NUP58: variants seen among roughly 807,000 people sequenced by gnomAD.
NUP58 encodes the protein nucleoporin p58/p45.
A neutral mutation model predicts 70.1 loss-of-function variants in NUP58; 17 were observed. That is an observed-to-expected ratio of 0.24 (90% CI 0.17 to 0.36). The LOEUF is 0.36. Ranked by LOEUF, NUP58 falls within the 10% of genes least tolerant of loss-of-function variation. The pLI, the probability that NUP58 is intolerant of heterozygous loss-of-function variation, is 1.00. For missense variants in NUP58, 644 were observed against 701.5 expected (o/e 0.92, Z 0.93); for synonymous variants, 275 against 257.6 (o/e 1.07, Z -0.65).
At chr13:25,347,469 ATC>A (rs2032063800) in intron 3 of NUP58, among the ~76,000 whole-genome samples, 1 of 152,148 alleles carries the variant, frequency 6.6e-6, no homozygotes, top group Non-Finnish European at 1.5e-5. Context: ...CAATAAGTAA[ATC>A]TCCACAGGCT....
chr13:25,309,449 A>G, intron 3 of NUP58, 167 bp downstream of exon 3: 1 of 519,350 alleles, frequency 1.9e-6, no homozygotes, highest in Non-Finnish European at 3.3e-6. Context: ...GTATTTGAGT[A>G]GTGAAAAAAA....
At chr13:25,332,741 C>G in intron 13 of NUP58, 1 of 985,404 alleles carries the variant, frequency 1.0e-6, no homozygotes, top group Non-Finnish European at 1.2e-6. Flanking sequence ...GTGGCTCGCA[C>G]GAGCACTGTC....
In NUP58 at chr13:25,315,462, A is replaced by C; in HGVS notation, c.680A>C (p.Lys227Thr). ...ATAGATTTCAGTAGCTCCTCAGATA[A>C]AAAGAGTAAGTAATGCTGTTGTAAC... ...GGIDFSSSSDKKSDKTGTRPE... is the reference protein window; with the variant it reads ...GGIDFSSSSDTKSDKTGTRPE... Residue 227 changes from lysine (K) to threonine (T), a missense_variant, in exon 6 of 16, where the codon AAA becomes ACA. By Grantham distance (78) the Lys-to-Thr change is moderately conservative. Coordinates refer to ENST00000381736, the MANE Select transcript of NUP58 (RefSeq NM_014089.4). The C allele has an allele frequency of 1.2e-6, 2 of 1,603,360 alleles. No individual in the cohort carries two copies. Among genetic ancestry groups the C allele is most frequent in the Non-Finnish European group, 1.7e-6 (2 of 1,170,638 alleles).
chr13:25,322,343 A>T (rs1437988545), intron 9 of NUP58, among the ~76,000 whole-genome samples: 2 of 152,244 alleles, frequency 1.3e-5, no homozygotes, highest in African/African-American at 4.8e-5. Context: ...GAGCTACTCT[A>T]AACTGTAATG....
intron 7 of NUP58, 100 bp from the exon 8 acceptor site, chr13:25,320,430 A>T: frequency 1.4e-6 from 1 of 735,934 alleles, no homozygotes; most frequent in Admixed American, 3.1e-5. Context: ...CTTTTTTGCT[A>T]TATTTTCTTG....
intron 13 of NUP58, chr13:25,333,499 AACAACCTTAC>A (rs2031680059): frequency 1.0e-6 from 1 of 985,410 alleles, no homozygotes; most frequent in Non-Finnish European, 1.2e-6. Flanking sequence ...TATTAACCTA[AACAACCTTAC>A]AGTGTTTTCG....
chr13:25,304,516 A>ATATT (rs1491109872), intron 1 of NUP58, among the ~76,000 whole-genome samples: 1 of 52,244 alleles, frequency 1.9e-5, no homozygotes, highest in African/African-American at 5.7e-5. Context: ...ATATATATAT[A>ATATT]TGTATTTTTT....
intron 11 of NUP58, 128 bp downstream of exon 11, chr13:25,327,162 ACTC>A (rs1183528038): frequency 3.3e-6 from 2 of 603,184 alleles, no homozygotes; most frequent in Non-Finnish European, 5.9e-6. Context: ...GTCATTTACT[ACTC>A]CTTTATTCCC....
In NUP58 at chr13:25,341,672, A is replaced by G. The variant is rs1385452254; in HGVS notation, c.*1538A>G. The G allele has an allele frequency of 6.5e-6, 1 of 152,700 alleles. No homozygotes were observed. The highest frequency in any genetic ancestry group is 1.5e-5 in the Non-Finnish European group (1 of 68,048). 9.5% of individuals were successfully genotyped at this position (152,700 alleles called of 1,614,324 possible). A position where few individuals can be genotyped will look rare whatever the true frequency, so the allele number is the denominator to read the frequency against. Reference sequence around the variant, plus strand: ...TGACTACATTAGTATTAGTGACATCAGGTGGATATAAAAGAAAACCCTTGG... The same window carrying G: ...TGACTACATTAGTATTAGTGACATCGGGTGGATATAAAAGAAAACCCTTGG... On this transcript the variant is annotated 3_prime_UTR_variant, in exon 16 of 16. Transcript: ENST00000381736.
Position 25,342,390 on chromosome 13 carries a change from T to C in NUP58, c.*2256T>C. ...CCAGAGCCTATTATTATGGAAACAA[T>C]AAAATTTATTGTGTCAGTTGCTTTG... On this transcript the variant is annotated 3_prime_UTR_variant, in exon 16 of 16. Coordinates refer to ENST00000381736, the MANE Select transcript of NUP58 (RefSeq NM_014089.4). 6.6e-6 allele frequency: 1 copy of C among 152,652 alleles called. No individual in the cohort carries two copies. The highest frequency in any genetic ancestry group is 1.5e-5 in the Non-Finnish European group (1 of 68,022). The allele number at this position is 152,652 out of a possible 1,614,324, so 9.5% of individuals were successfully genotyped here. A position where few individuals can be genotyped will look rare whatever the true frequency, so the allele number is the denominator to read the frequency against.
At chr13:25,345,406 G>T (rs1003642600), downstream of NUP58, among the ~76,000 whole-genome samples, 5 of 152,196 alleles carry the variant, frequency 3.3e-5, no homozygotes, top group South Asian at 2.1e-4. Context: ...GCAAAGTAAG[G>T]TAAGTACCTA....
intron 1 of NUP58, chr13:25,302,963 A>T (rs1420877033): frequency 4.4e-6 from 2 of 456,694 alleles, no homozygotes; most frequent in Non-Finnish European, 8.8e-6. Context: ...CATTCGTGGA[A>T]CAAATATTTA....
chr13:25,303,069 C>G lies in NUP58; in HGVS notation c.107+1189C>G, dbSNP rs201886011. 1.1e-5 allele frequency: 5 copies of G among 456,402 alleles called. No homozygotes were observed. The East Asian group carries it at 3.5e-4, about 32-fold the overall frequency. 28.3% of individuals were successfully genotyped at this position (456,402 alleles called of 1,614,324 possible). A position where few individuals can be genotyped will look rare whatever the true frequency, so the allele number is the denominator to read the frequency against. On this transcript the variant is annotated intron_variant, in intron 1 of 15. Coordinates refer to ENST00000381736, the MANE Select transcript of NUP58 (RefSeq NM_014089.4). ...TTATGAAAATAATTTTGATTCTTGT[C>G]AGATTTTTAACCAGCTGTCTTTCTT...
chr13:25,321,394 G>C (rs1347787585), intron 9 of NUP58, among the ~76,000 whole-genome samples: 1 of 152,176 alleles, frequency 6.6e-6, no homozygotes, highest in Non-Finnish European at 1.5e-5. Context: ...AGCTTTGTTA[G>C]TAAGTTGAAG....
intron 3 of NUP58, among the ~76,000 whole-genome samples, chr13:25,348,442 GTAT>G (rs955479037): frequency 3.9e-5 from 6 of 152,146 alleles, no homozygotes; most frequent in Admixed American, 1.3e-4. Context: ...AGTATAAAAT[GTAT>G]TATTATTATT....
At chr13:25,321,951 G>A (rs548815929) in intron 9 of NUP58, among the ~76,000 whole-genome samples, 51 of 152,196 alleles carry the variant, frequency 3.4e-4, no homozygotes, top group African/African-American at 1.2e-3. Flanking sequence ...TAGTAATGTG[G>A]CTAATGTTGT....
At chr13:25,336,400 A>C in intron 13 of NUP58, 2 of 693,824 alleles carry the variant, frequency 2.9e-6, no homozygotes, top group South Asian at 3.5e-5. Flanking sequence ...TCATATGAGA[A>C]ATCATGCCTA....
chr13:25,309,425 CG>C (rs1454551425), intron 3 of NUP58, 143 bp downstream of exon 3: 18 of 599,166 alleles, frequency 3.0e-5, no homozygotes, highest in Non-Finnish European at 4.5e-5. Context: ...GGTGACTTAT[CG>C]GAGAACCTTT....
intron 15 of NUP58, 63 bp from the exon 16 acceptor site, chr13:25,339,902 T>G: frequency 2.2e-6 from 3 of 1,393,858 alleles, no homozygotes; most frequent in Non-Finnish European, 2.9e-6. Context: ...TGCTCCTCCC[T>G]GTTTTTATAT....
Sources: allele counts gnomAD v4.1 joint callset (sites outside exome capture counted in the v4.1 genomes callset), GRCh38; gene constraint gnomAD v4.1.1; transcripts MANE v1.5; gene names NCBI Gene and HGNC (gene_info 2026-07-23, HGNC 2026-07-21).